The following IL1RAPL1 variants were observed in gnomAD, a reference collection of about 807,000 sequenced individuals.
IL1RAPL1 encodes interleukin 1 receptor accessory protein like 1.
A neutral mutation model predicts 48.4 loss-of-function variants in IL1RAPL1; 3 were observed. The observed-to-expected ratio is 0.06, with a 90% CI of 0.03 to 0.16. IL1RAPL1 has a LOEUF of 0.16. IL1RAPL1 is among the 10% of genes least tolerant of loss of function. The probability of loss-of-function intolerance (pLI) is 1.00; values close to 1 mark genes in which losing one functional copy is unlikely to be tolerated. For synonymous variants in IL1RAPL1, 185 were observed against 187.7 expected (o/e 0.99, Z 0.12); for missense variants, 349 against 530.6 (o/e 0.66, Z 3.36).
chrX:28,797,007 A>C (rs1026100561), intron 2 of IL1RAPL1, among the ~76,000 whole-genome samples: 3 of 112,275 alleles, frequency 2.7e-5, no homozygotes, highest in African/African-American at 6.5e-5. Flanking sequence ...GCCAGGCTCA[A>C]CACCATGTGG....
intron 9 of IL1RAPL1, among the ~76,000 whole-genome samples, chrX:29,942,939 G>A (rs1357289647): frequency 1.9e-5 from 2 of 107,564 alleles, no homozygotes; most frequent in Non-Finnish European, 3.9e-5. Context: ...TTTATATACT[G>A]TTTTTTTTTC....
intron 6 of IL1RAPL1, among the ~76,000 whole-genome samples, chrX:29,692,013 A>C (rs146616445): frequency 8.9e-6 from 1 of 112,414 alleles, no homozygotes; most frequent in Non-Finnish European, 1.9e-5. Context: ...TTTCATTTAC[A>C]ATGAAGGTGA....
intron 3 of IL1RAPL1, among the ~76,000 whole-genome samples, chrX:29,294,395 G>T (rs1184265133): frequency 9.2e-6 from 1 of 108,776 alleles, no homozygotes; most frequent in Non-Finnish European, 1.9e-5. Flanking sequence ...GGGCGTGGTG[G>T]TGGGTGCCTG....
chrX:29,023,518 TAAC>T (rs1926417259), intron 2 of IL1RAPL1, among the ~76,000 whole-genome samples: 1 of 112,622 alleles, frequency 8.9e-6, no homozygotes, highest in African/African-American at 3.2e-5. Flanking sequence ...AAATAGGGAA[TAAC>T]AGAACATTCA....
chrX:28,868,188 T>C (rs949409862), intron 2 of IL1RAPL1, among the ~76,000 whole-genome samples: 2 of 111,300 alleles, frequency 1.8e-5, no homozygotes. Context: ...TTATTTCTTA[T>C]CTTGCCTTTT....
chrX:29,271,620 G>A (rs1195162480), intron 2 of IL1RAPL1, among the ~76,000 whole-genome samples: 1 of 112,275 alleles, frequency 8.9e-6, no homozygotes, highest in Non-Finnish European at 1.9e-5. Flanking sequence ...GATTAGTAAT[G>A]TTGAGCATTT....
At chrX:29,377,655 T>A (rs187878408) in intron 3 of IL1RAPL1, among the ~76,000 whole-genome samples, 287 of 112,453 alleles carry the variant, frequency 2.6e-3, no homozygotes, top group Non-Finnish European at 4.6e-3. Flanking sequence ...TGGTTGAAAT[T>A]TATTTTCTCT....
intron 2 of IL1RAPL1, among the ~76,000 whole-genome samples, chrX:28,902,237 C>G (rs1601951309): frequency 1.8e-5 from 2 of 109,159 alleles, no homozygotes; most frequent in Admixed American, 2.0e-4. Flanking sequence ...AGTGGCATGA[C>G]CTCAGCTCAC....
At chrX:28,854,553 T>C (rs1921754917) in intron 2 of IL1RAPL1, among the ~76,000 whole-genome samples, 1 of 111,428 alleles carries the variant, frequency 9.0e-6, no homozygotes, top group Admixed American at 9.6e-5. Flanking sequence ...GATCAGGGAA[T>C]GTGGCTAGAA....
intron 2 of IL1RAPL1, among the ~76,000 whole-genome samples, chrX:28,852,347 T>TG (rs1310469688): frequency 9.1e-6 from 1 of 110,450 alleles, no homozygotes; most frequent in Non-Finnish European, 1.9e-5. Flanking sequence ...ACTTTTTTTT[T>TG]TTTTGCTAAA....
chrX:29,717,412 G>A (rs891935648), intron 6 of IL1RAPL1, among the ~76,000 whole-genome samples: 3 of 112,090 alleles, frequency 2.7e-5, no homozygotes, highest in African/African-American at 9.7e-5. Context: ...TGACATTCAA[G>A]GATTGGGAAT....
intron 5 of IL1RAPL1, among the ~76,000 whole-genome samples, chrX:29,431,521 T>C (rs950105851): frequency 6.2e-5 from 7 of 112,052 alleles, no homozygotes; most frequent in Non-Finnish European, 1.9e-5. Flanking sequence ...CATACATTTA[T>C]TCGATTATCC....
intron 6 of IL1RAPL1, among the ~76,000 whole-genome samples, chrX:29,791,421 T>C (rs1458568872): frequency 1.9e-5 from 2 of 107,467 alleles, no homozygotes; most frequent in Non-Finnish European, 3.8e-5. Flanking sequence ...TTTTTTTTCT[T>C]TTTATCTTTT....
chrX:29,092,038 T>C (rs1928103046), intron 2 of IL1RAPL1, among the ~76,000 whole-genome samples: 1 of 111,574 alleles, frequency 9.0e-6, no homozygotes. Context: ...TGAACAACCA[T>C]TGCAAATAAA....
chrX:28,733,041 G>A (rs772367583), intron 1 of IL1RAPL1, among the ~76,000 whole-genome samples: 3 of 109,876 alleles, frequency 2.7e-5, no homozygotes, highest in Non-Finnish European at 5.7e-5. Flanking sequence ...CTGTAAAATG[G>A]GCTAATAGTA....
At chrX:29,086,447 C>CCAAA (rs1448824572) in intron 2 of IL1RAPL1, among the ~76,000 whole-genome samples, 7 of 112,089 alleles carry the variant, frequency 6.2e-5, no homozygotes, top group Non-Finnish European at 1.3e-4. Context: ...TCTGATAATG[C>CCAAA]CAAATACCAT....
chrX:28,602,435 C>T (rs1055064485), intron 1 of IL1RAPL1, among the ~76,000 whole-genome samples: 3 of 112,041 alleles, frequency 2.7e-5, no homozygotes, highest in African/African-American at 9.7e-5. Flanking sequence ...CACACAATGC[C>T]ACATCCCTGA....
chrX:29,310,648 A>G (rs186287653), intron 3 of IL1RAPL1, among the ~76,000 whole-genome samples: 1 of 112,061 alleles, frequency 8.9e-6, no homozygotes, highest in East Asian at 2.8e-4. Flanking sequence ...TAATTATAAG[A>G]AAAATATGTG....
At chrX:28,833,519 G>T (rs1921125396) in intron 2 of IL1RAPL1, among the ~76,000 whole-genome samples, 1 of 111,609 alleles carries the variant, frequency 9.0e-6, no homozygotes, top group Admixed American at 9.5e-5. Flanking sequence ...TAGCCATTCT[G>T]ACTGGTGTGA....
Sources: gnomAD v4.1 joint callset for allele counts (sites outside exome capture counted in the v4.1 genomes callset) on GRCh38, gnomAD v4.1.1 for gene constraint, MANE v1.5 for transcripts, NCBI Gene and HGNC (gene_info 2026-07-23, HGNC 2026-07-21) for gene names.